The following SOX5 variants were observed in gnomAD, a reference collection of about 807,000 sequenced individuals.
The protein encoded by SOX5 is SRY-box transcription factor 5.
SOX5 carries 9 observed loss-of-function variants against 92.0 expected under a neutral mutation model. The observed-to-expected ratio is 0.10, with a 90% CI of 0.06 to 0.17. The LOEUF (loss-of-function observed/expected upper bound fraction) is 0.17, where lower values mean the gene tolerates loss of function less well. SOX5 is among the 10% of genes least tolerant of loss of function. The pLI, the probability that SOX5 is intolerant of heterozygous loss-of-function variation, is 1.00. For missense variants in SOX5, 642 were observed against 944.5 expected (o/e 0.68, Z 4.20); for synonymous variants, 344 against 336.3 (o/e 1.02, Z -0.25).
Position 24,278,941 on chromosome 12 carries a change from T to C in SOX5, c.-173-1629A>G, listed in dbSNP as rs1000260150. The stretch of plus-strand genomic sequence containing the variant: ...CCCAACTGTAAAGAGACTACACTAC[T>C]ACCACAATTGTGTTTACTAAGTGGA... On this transcript the variant is annotated intron_variant, in intron 2 of 4. Coordinates refer to the SOX5 transcript ENST00000446891. Among the ~76,000 whole-genome samples, 4 of 151,356 alleles carry C rather than the reference T, an allele frequency of 2.6e-5. No homozygotes were observed. In the South Asian group the frequency reaches 6.3e-4, roughly 24 times the overall value.
chr12:24,082,773 T>G (rs1179920695), intron 4 of SOX5, among the ~76,000 whole-genome samples: 1 of 151,876 alleles, frequency 6.6e-6, no homozygotes, highest in Non-Finnish European at 1.5e-5. Context: ...TTCTCTTTAA[T>G]TCAGGTCATA....
chr12:24,248,394 A>G (rs891341651), intron 3 of SOX5, among the ~76,000 whole-genome samples: 2 of 152,198 alleles, frequency 1.3e-5, no homozygotes, highest in African/African-American at 4.8e-5. Flanking sequence ...AGAAAGAAAC[A>G]AGACGTGTCT....
At chr12:24,187,471 G>A (rs945197393) in intron 4 of SOX5, among the ~76,000 whole-genome samples, 2 of 152,202 alleles carry the variant, frequency 1.3e-5, no homozygotes, top group Non-Finnish European at 2.9e-5. Flanking sequence ...AAAAGGCACA[G>A]ACAGAAATAC....
At chr12:24,194,421 G>A (rs990962813) in intron 4 of SOX5, among the ~76,000 whole-genome samples, 1 of 103,642 alleles carries the variant, frequency 9.6e-6, no homozygotes, top group Non-Finnish European at 1.9e-5. Flanking sequence ...AGGTAGGTAG[G>A]TAGGTAGGTA....
chr12:24,239,840 T>C (rs1305431510), intron 3 of SOX5, among the ~76,000 whole-genome samples: 1 of 152,220 alleles, frequency 6.6e-6, no homozygotes, highest in Non-Finnish European at 1.5e-5. Flanking sequence ...CTTTCACTTT[T>C]ATTTAAAAAG....
In SOX5 at chr12:23,872,034, G is replaced by A. The variant is rs147162555; in HGVS notation, c.270+23759C>T. Among the ~76,000 whole-genome samples the A allele has an allele frequency of 2.8e-3, 399 of 142,660 alleles. 1 individual carries two copies. The highest frequency in any genetic ancestry group is 4.2e-3 in the Non-Finnish European group (279 of 65,888). 93.6% of individuals were successfully genotyped at this position (142,660 alleles called of 152,430 possible). A position where few individuals can be genotyped will look rare whatever the true frequency, so the allele number is the denominator to read the frequency against. On this transcript the variant is annotated intron_variant, in intron 2 of 14. Coordinates refer to ENST00000451604, the MANE Select transcript of SOX5 (RefSeq NM_006940.6). ...TTTTTTTGAGACGGAGTCTTGCTCT[G>A]TCTCCCAGGCTGGAGTGCAGTGGCG...
At chr12:24,462,294 G>A (rs1216755778) in intron 1 of SOX5, among the ~76,000 whole-genome samples, 1 of 152,110 alleles carries the variant, frequency 6.6e-6, no homozygotes, top group African/African-American at 2.4e-5. Flanking sequence ...CATAGAAAAG[G>A]TACAGTAAAA....
rs1395297483 is a variant in SOX5, at chr12:24,516,743, T to A, written c.-251+45586A>T. Among the ~76,000 whole-genome samples the A allele has an allele frequency of 2.0e-5, 3 of 152,258 alleles. No homozygotes were observed. The East Asian group carries it at 5.8e-4, about 29-fold the overall frequency. On this transcript the variant is annotated intron_variant, in intron 1 of 4. Coordinates refer to the SOX5 transcript ENST00000446891. ...CTTTGTGAGCTATATTTCTTCTTTA[T>A]AATCTCTGTACATGGAATTATAAAT... is the stretch of plus-strand genomic sequence containing the variant.
intron 7 of SOX5, among the ~76,000 whole-genome samples, chr12:23,648,940 A>G (rs1470820086): frequency 6.6e-6 from 1 of 152,170 alleles, no homozygotes; most frequent in African/African-American, 2.4e-5. Context: ...TATGTCGACT[A>G]ATTAATTTCA....
chr12:24,132,494 T>C (rs183831589), intron 4 of SOX5, among the ~76,000 whole-genome samples: 1 of 152,288 alleles, frequency 6.6e-6, no homozygotes, highest in African/African-American at 2.4e-5. Context: ...TGTCCATCGA[T>C]GTTCATGTAA....
chr12:24,007,010 G>GTAAT (rs1328383743), intron 4 of SOX5, among the ~76,000 whole-genome samples: 2 of 150,814 alleles, frequency 1.3e-5, no homozygotes, highest in Admixed American at 6.7e-5. Flanking sequence ...ACGCATGTCT[G>GTAAT]TAATCCCAGC....
intron 2 of SOX5, among the ~76,000 whole-genome samples, chr12:23,866,873 G>A (rs558491619): frequency 2.3e-3 from 354 of 152,162 alleles, no homozygotes; most frequent in Admixed American, 6.0e-3. Context: ...TTGACATTGT[G>A]TTGCTGAAGA....
At chr12:24,435,002 C>A (rs564581475) in intron 1 of SOX5, among the ~76,000 whole-genome samples, 1 of 152,192 alleles carries the variant, frequency 6.6e-6, no homozygotes, top group Non-Finnish European at 1.5e-5. Flanking sequence ...AAAGAATGCC[C>A]TTTCCTTTTG....
At chr12:24,481,929 C>A (rs978470150) in intron 1 of SOX5, among the ~76,000 whole-genome samples, 1 of 152,182 alleles carries the variant, frequency 6.6e-6, no homozygotes, top group Admixed American at 6.5e-5. Flanking sequence ...TCCTTTGATG[C>A]ATCTGCTTAA....
chr12:23,746,124 G>A (rs1299655776), intron 4 of SOX5, among the ~76,000 whole-genome samples: 1 of 152,142 alleles, frequency 6.6e-6, no homozygotes, highest in African/African-American at 2.4e-5. Flanking sequence ...AGATGAAGAA[G>A]TCCATCCCAC....
intron 8 of SOX5, among the ~76,000 whole-genome samples, chr12:23,616,018 CA>C (rs1379695433): frequency 6.6e-6 from 1 of 152,094 alleles, no homozygotes; most frequent in Non-Finnish European, 1.5e-5. Flanking sequence ...TATACTTACA[CA>C]AAAAGTAATT....
At chr12:23,912,185 A>G (rs2097359102) in intron 1 of SOX5, among the ~76,000 whole-genome samples, 1 of 152,138 alleles carries the variant, frequency 6.6e-6, no homozygotes. Context: ...TAAAATGAGA[A>G]AAGGATCTGA....
chr12:24,284,052 A>G (rs1390766310), intron 2 of SOX5, among the ~76,000 whole-genome samples: 1 of 152,232 alleles, frequency 6.6e-6, no homozygotes, highest in Non-Finnish European at 1.5e-5. Context: ...AAGGCTCACC[A>G]TGGGTTTCAC....
chr12:23,895,745 G>T, intron 2 of SOX5, 48 bp downstream of exon 2: 1 of 1,316,712 alleles, frequency 7.6e-7, no homozygotes, highest in East Asian at 2.3e-5. Flanking sequence ...TAGAGGAGTA[G>T]ACTGGTCAAA....
Sources: gnomAD v4.1 joint callset for allele counts (sites outside exome capture counted in the v4.1 genomes callset) on GRCh38, gnomAD v4.1.1 for gene constraint, MANE v1.5 for transcripts, NCBI Gene and HGNC (gene_info 2026-07-23, HGNC 2026-07-21) for gene names.